EBF4: variants seen among roughly 807,000 people sequenced by gnomAD.
The protein encoded by EBF4 is EBF transcription factor 4, also known as transcription factor COE4.
In EBF4, 34 loss-of-function variants were observed where a neutral mutation model predicts 67.1. The ratio of observed to expected loss-of-function variants is 0.51; its 90% confidence interval spans 0.39 to 0.67. The LOEUF (loss-of-function observed/expected upper bound fraction) is 0.67. EBF4 is among the 30% of genes least tolerant of loss of function. The pLI, the probability that EBF4 is intolerant of heterozygous loss-of-function variation, is 0.00. For missense variants in EBF4, 837 were observed against 873.3 expected (o/e 0.96, Z 0.52); for synonymous variants, 387 against 377.7 (o/e 1.02, Z -0.29).
chr20:2,743,860 A>G (rs546094262), intron 6 of EBF4, among the ~76,000 whole-genome samples: 1 of 152,234 alleles, frequency 6.6e-6, no homozygotes, highest in South Asian at 2.1e-4. Flanking sequence ...GTGGTGATCC[A>G]ATCCAGATAT....
Position 2,751,814 on chromosome 20 carries a change from G to A in EBF4, c.1107+26G>A. On this transcript the variant is annotated intron_variant, in intron 11 of 16. Coordinates refer to ENST00000609451, the Ensembl canonical transcript of EBF4. The surrounding 1 kb of genome is among the most constrained non-coding windows in gnomAD (Gnocchi z 5.2). ...GTACTCAGAGGGGCGGGGCGGGGCG[G>A]GGCTGAGGGTGTCCTGTGGGCAAGG... 1.3e-6 allele frequency: 2 copies of A among 1,548,518 alleles called. No individual in the cohort carries two copies. Among genetic ancestry groups the A allele is most frequent in the Non-Finnish European group, 8.7e-7 (1 of 1,145,766 alleles).
chr20:2,693,740 T>C lies in EBF4; in HGVS notation c.95T>C (p.Met32Thr). Residue 32 changes from methionine (M) to threonine (T), a missense_variant, in exon 1 of 17, where the codon ATG becomes ACG. Physicochemically the swap from Met to Thr is moderately conservative, Grantham distance 81 (BLOSUM62 -1). Transcript: ENST00000609451. This position sits in a 1 kb window ranked among gnomAD's most constrained non-coding sequence, Gnocchi z 4.6. ...GGCCTGGGCTCAGTGCGCTCCTGGA[T>C]GCAGGGCGCGGGCATCCTGGACGCC... 7.4e-7 allele frequency: 1 copy of C among 1,360,182 alleles called. No individual in the cohort carries two copies. Among genetic ancestry groups the C allele is most frequent in the Non-Finnish European group, 9.4e-7 (1 of 1,061,184 alleles). The allele number at this position is 1,360,182 out of a possible 1,614,324, so 84.3% of individuals were successfully genotyped here.
chr20:2,741,661 G>T (rs6138877), intron 6 of EBF4, among the ~76,000 whole-genome samples: 3 of 152,172 alleles, frequency 2.0e-5, no homozygotes, highest in Admixed American at 6.5e-5. Context: ...GATGTGGTAA[G>T]GTGGGTGTGT....
intron 1 of EBF4, among the ~76,000 whole-genome samples, chr20:2,701,718 C>G (rs1029843193): frequency 6.6e-6 from 1 of 152,226 alleles, no homozygotes; most frequent in Non-Finnish European, 1.5e-5. Flanking sequence ...TAGCCTCCCT[C>G]CCCACTGCCT....
chr20:2,752,027 GC>G (rs752326334), intron 12 of EBF4, 40 bp downstream of exon 12: 9 of 1,524,420 alleles, frequency 5.9e-6, no homozygotes, highest in Non-Finnish European at 2.6e-6. Context: ...CGGGACCGGG[GC>G]CCCCCAGCAC....
intron 2 of EBF4, 64 bp from the exon 3 acceptor site, chr20:2,705,910 G>C: frequency 6.6e-7 from 1 of 1,522,696 alleles, no homozygotes; most frequent in South Asian, 1.2e-5. Context: ...TTAGGAGAAG[G>C]GGTGGACAAG....
upstream of EBF4, chr20:2,693,505 C>A (rs941491011): frequency 4.8e-6 from 5 of 1,039,122 alleles, no homozygotes; most frequent in Non-Finnish European, 6.2e-6. The surrounding 1 kb of genome is among the most constrained non-coding windows in gnomAD (Gnocchi z 4.6). Context: ...GCCCAAGAGG[C>A]GAGCGCGCAC....
At chr20:2,752,228 T>A in exon 13 of EBF4, 1 of 1,346,866 alleles carries the variant, frequency 7.4e-7, no homozygotes, top group Non-Finnish European at 9.5e-7. Context: ...CCGCTGGCCA[T>A]CGCCGTCGGG....
intron 6 of EBF4, among the ~76,000 whole-genome samples, chr20:2,744,044 C>T (rs2088008170): frequency 6.6e-6 from 1 of 151,738 alleles, no homozygotes; most frequent in African/African-American, 2.4e-5. Flanking sequence ...TCTTTCCATG[C>T]TCTACCTCCA....
At chr20:2,737,109 G>A (rs970526910) in intron 6 of EBF4, among the ~76,000 whole-genome samples, 3 of 150,896 alleles carry the variant, frequency 2.0e-5, no homozygotes, top group East Asian at 2.0e-4. Context: ...AATTAGCCGG[G>A]CGTGGTGGCG....
chr20:2,729,048 G>A (rs1389847845), intron 6 of EBF4, among the ~76,000 whole-genome samples: 1 of 152,002 alleles, frequency 6.6e-6, no homozygotes. Flanking sequence ...AATAAAGTGT[G>A]AATATAACTA....
intron 5 of EBF4, 77 bp downstream of exon 5, chr20:2,708,097 C>A: frequency 6.9e-7 from 1 of 1,444,438 alleles, no homozygotes; most frequent in Non-Finnish European, 9.4e-7. Context: ...CCTGCCCCCT[C>A]GCCGCCCTTG....
rs1026269649 is a variant in EBF4 at position 2,739,876 on chromosome 20, G to C, written c.558-8673G>C. On this transcript the variant is annotated intron_variant, in intron 6 of 16. Transcript: ENST00000609451. This position sits in a 1 kb window ranked among gnomAD's most constrained non-coding sequence, Gnocchi z 4.5. ...ATCTACCCTTCACTCTTAACCTGCTGTCTTTCCCAAGGCCTTCACAGGACA... is the reference window on the plus strand; with the variant it reads ...ATCTACCCTTCACTCTTAACCTGCTCTCTTTCCCAAGGCCTTCACAGGACA... Among the ~76,000 whole-genome samples the C allele has an allele frequency of 2.0e-5, 3 of 152,224 alleles. No individual in the cohort carries two copies. Among genetic ancestry groups the C allele is most frequent in the Admixed American group, 6.5e-5 (1 of 15,286 alleles).
At chr20:2,732,546 G>C (rs971795058) in intron 6 of EBF4, among the ~76,000 whole-genome samples, 3 of 152,116 alleles carry the variant, frequency 2.0e-5, no homozygotes, top group Non-Finnish European at 4.4e-5. Context: ...AATTAGTATA[G>C]CCACTCCAGC....
intron 6 of EBF4, among the ~76,000 whole-genome samples, chr20:2,724,670 C>T (rs79049619): frequency 0.019 from 2,946 of 152,224 alleles, 61 homozygotes; most frequent in Middle Eastern, 0.065. Flanking sequence ...TTTGGGATGA[C>T]GAGGTACAAG....
At chr20:2,733,180 C>G (rs58092118) in intron 6 of EBF4, among the ~76,000 whole-genome samples, 1,982 of 152,250 alleles carry the variant, frequency 0.013, 39 homozygotes, top group African/African-American at 0.045. Flanking sequence ...GCTGGACATG[C>G]AATTTTTTGG....
intron 6 of EBF4, among the ~76,000 whole-genome samples, chr20:2,746,412 A>G (rs1429055017): frequency 6.6e-6 from 1 of 152,060 alleles, no homozygotes; most frequent in Non-Finnish European, 1.5e-5. Flanking sequence ...TGGGAAATAT[A>G]GGGGGTGCCC....
rs372664643 is a variant in EBF4, at chr20:2,707,936, C to A, written c.415-11C>A. The A allele has an allele frequency of 2.0e-4, 316 of 1,585,626 alleles. 1 individual carries two copies. The African/African-American group carries it at 3.6e-3, about 18-fold the overall frequency. ...CCTTCCCCTCCAGCCTGTGCACCTC[C>A]CTCTCCCCAGGCCATCATCTATGAG... On this transcript the variant is annotated splice_polypyrimidine_tract_variant and intron_variant, in intron 4 of 16. Coordinates refer to ENST00000609451, the Ensembl canonical transcript of EBF4. The surrounding 1 kb of genome is among the most constrained non-coding windows in gnomAD (Gnocchi z 4.6).
At chr20:2,695,390 G>A (rs76701206) in intron 1 of EBF4, among the ~76,000 whole-genome samples, 1 of 152,202 alleles carries the variant, frequency 6.6e-6, no homozygotes, top group Admixed American at 6.5e-5. Context: ...TTCCCCCAGA[G>A]CATGGGCCAC....
Sources: gnomAD v4.1 joint callset for allele counts (sites outside exome capture counted in the v4.1 genomes callset) on GRCh38, gnomAD v4.1.1 for gene constraint, Gnocchi (gnomAD v3.1) non-coding constraint, MANE v1.5 for transcripts, NCBI Gene and HGNC (gene_info 2026-07-23, HGNC 2026-07-21) for gene names.